The following BCAS3 variants were observed in gnomAD, a reference collection of about 807,000 sequenced individuals.
BCAS3 encodes BCAS4/BCAS3 fusion.
Under a neutral mutation model 116.1 loss-of-function variants are expected in BCAS3, and 53 were observed. That is an observed-to-expected ratio of 0.46 (90% CI 0.37 to 0.57). The LOEUF (loss-of-function observed/expected upper bound fraction) is 0.57. BCAS3 is among the 20% of genes least tolerant of loss of function. The pLI is 0.00. For synonymous variants in BCAS3, 391 were observed against 408.2 expected, an observed-to-expected ratio of 0.96 and a Z score of 0.51; for missense variants, 917 against 1,165.4, an observed-to-expected ratio of 0.79 and a Z score of 3.10.
At position 61,387,011 on chromosome 17, in the gene BCAS3, T is replaced by A. The variant is rs1193345178; in HGVS notation, c.2594-4966T>A. Among the ~76,000 whole-genome samples, 1 of 152,188 alleles carries A rather than the reference T, an allele frequency of 6.6e-6. No individual in the cohort carries two copies. Among genetic ancestry groups the A allele is most frequent in the East Asian group, 1.9e-4 (1 of 5,188 alleles). ...ATGGTCTTGAACTCTTGGCTTCAAG[T>A]GATCCCCTTGCCTTGGCTTCCCAAA... On this transcript the variant is annotated intron_variant, in intron 23 of 23. Coordinates refer to ENST00000407086, the MANE Select transcript of BCAS3 (RefSeq NM_017679.5). This position sits in a 1 kb window ranked among gnomAD's most constrained non-coding sequence, Gnocchi z 6.2.
chr17:61,173,004 A>AAATAAATAAATT (rs2078943643), intron 22 of BCAS3, among the ~76,000 whole-genome samples: 1 of 151,608 alleles, frequency 6.6e-6, no homozygotes, highest in South Asian at 2.1e-4. Context: ...ATAAATAAAT[A>AAATAAATAAATT]AATAGGATTT....
Position 60,973,584 on chromosome 17 carries a change from T to TA in BCAS3, c.1222-16387_1222-16386insA, listed in dbSNP as rs1316086691. Among the ~76,000 whole-genome samples, 1,179 of 139,222 alleles carry TA rather than the reference T, an allele frequency of 8.5e-3. 39 individuals are homozygous for TA. The highest frequency in any genetic ancestry group is 0.035 in the African/African-American group (1,100 of 31,832). The allele number at this position is 139,222 out of a possible 152,430, so 91.3% of individuals were successfully genotyped here. On this transcript the variant is annotated intron_variant, in intron 14 of 23. Coordinates refer to ENST00000407086, the MANE Select transcript of BCAS3 (RefSeq NM_017679.5). ...CCTAGACATTGCTATTACCTTATTATTAATATATATATATATATATATATG... is the reference window on the plus strand; with the variant it reads ...CCTAGACATTGCTATTACCTTATTATATAATATATATATATATATATATATG...
At chr17:61,371,988 A>G (rs1448230825) in intron 23 of BCAS3, among the ~76,000 whole-genome samples, 1 of 152,260 alleles carries the variant, frequency 6.6e-6, no homozygotes, top group Non-Finnish European at 1.5e-5. Flanking sequence ...TTCTAAGACA[A>G]CTGGCTGAAC....
rs1387959540 is a variant in BCAS3, at chr17:61,126,314, C to T, written c.2425+41750C>T. Among the ~76,000 whole-genome samples the T allele has an allele frequency of 6.6e-6, 1 of 151,972 alleles. No homozygotes were observed. The highest frequency in any genetic ancestry group is 2.4e-5 in the African/African-American group (1 of 41,368). ...CATATCACCTTGAGAAAATGTGAGGCAATCCTTTACTGAATTGTCAGTGAT... is the reference window on the plus strand; with the variant it reads ...CATATCACCTTGAGAAAATGTGAGGTAATCCTTTACTGAATTGTCAGTGAT... On this transcript the variant is annotated intron_variant, in intron 22 of 23. Coordinates refer to ENST00000407086, the MANE Select transcript of BCAS3 (RefSeq NM_017679.5). This position sits in a 1 kb window ranked among gnomAD's most constrained non-coding sequence, Gnocchi z 4.6.
intron 5 of BCAS3, among the ~76,000 whole-genome samples, chr17:60,740,831 A>G (rs552137223): frequency 1.3e-5 from 2 of 152,304 alleles, no homozygotes; most frequent in Admixed American, 6.5e-5. Context: ...TGTTAAGAAC[A>G]GAATGATCTG....
At chr17:61,165,628 G>A (rs562209770) in intron 22 of BCAS3, among the ~76,000 whole-genome samples, 1 of 152,318 alleles carries the variant, frequency 6.6e-6, no homozygotes, top group South Asian at 2.1e-4. Context: ...AGAGGTTGCA[G>A]TGAGCCAAGA....
chr17:61,196,863 T>C lies in BCAS3; in HGVS notation c.2425+112299T>C, dbSNP rs2080511272. Reference sequence around the variant, plus strand: ...AGTTTATATATAATGTCATGGTTATTTGTAGAGAGATTGAAGAACCGGTCT... The same window carrying C: ...AGTTTATATATAATGTCATGGTTATCTGTAGAGAGATTGAAGAACCGGTCT... On this transcript the variant is annotated intron_variant, in intron 22 of 23. Coordinates refer to ENST00000407086, the MANE Select transcript of BCAS3 (RefSeq NM_017679.5). This position sits in a 1 kb window ranked among gnomAD's most constrained non-coding sequence, Gnocchi z 4.7. 6.6e-6 allele frequency among the ~76,000 whole-genome samples: 1 copy of C among 152,238 alleles called. No individual in the cohort carries two copies. Among genetic ancestry groups the C allele is most frequent in the Non-Finnish European group, 1.5e-5 (1 of 68,032 alleles).
intron 22 of BCAS3, among the ~76,000 whole-genome samples, chr17:61,287,003 C>G (rs1438982585): frequency 6.6e-6 from 1 of 152,032 alleles, no homozygotes; most frequent in African/African-American, 2.4e-5. Context: ...AATCCCAGCA[C>G]TTTGGGAGGC....
intron 9 of BCAS3, among the ~76,000 whole-genome samples, 183 bp downstream of exon 9, chr17:60,874,921 C>T (rs2144916693): frequency 6.6e-6 from 1 of 152,178 alleles, no homozygotes; most frequent in African/African-American, 2.4e-5. Context: ...TTTCAACTTT[C>T]CAACACATTT....
At chr17:60,758,994 T>G (rs1598499920) in intron 6 of BCAS3, among the ~76,000 whole-genome samples, 1 of 152,200 alleles carries the variant, frequency 6.6e-6, no homozygotes, top group East Asian at 1.9e-4. Context: ...TTTTTTTTTT[T>G]TTTGGACACA....
At chr17:61,142,801 ATGAT>A (rs2076993367) in intron 22 of BCAS3, among the ~76,000 whole-genome samples, 1 of 152,154 alleles carries the variant, frequency 6.6e-6, no homozygotes, top group Non-Finnish European at 1.5e-5. Flanking sequence ...TTGGGGTTGT[ATGAT>A]GGATGCATGG....
chr17:61,289,198 T>G (rs1362145003), intron 22 of BCAS3, among the ~76,000 whole-genome samples: 1 of 152,180 alleles, frequency 6.6e-6, no homozygotes, highest in Non-Finnish European at 1.5e-5. Context: ...TGGGAGAGAA[T>G]GTACCCCCGC....
intron 2 of BCAS3, 113 bp downstream of exon 2, chr17:60,679,653 G>C: frequency 3.7e-6 from 3 of 820,528 alleles, no homozygotes; most frequent in Admixed American, 2.3e-5. Context: ...TTAACTGTTG[G>C]CTTTATGGGA....
rs1200119550 is a variant in BCAS3 at position 61,205,317 on chromosome 17, C to T, written c.2425+120753C>T. Among the ~76,000 whole-genome samples, 1 of 152,170 alleles carries T rather than the reference C, an allele frequency of 6.6e-6. No individual in the cohort carries two copies. The highest frequency in any genetic ancestry group is 1.5e-5 in the Non-Finnish European group (1 of 68,030). ...AAAACTGGTTACATTTCAGCATATA[C>T]AGCTGGACTTCCTGGTGGGCCTCCC... On this transcript the variant is annotated intron_variant, in intron 22 of 23. Coordinates refer to ENST00000407086, the MANE Select transcript of BCAS3 (RefSeq NM_017679.5). The surrounding 1 kb of genome is among the most constrained non-coding windows in gnomAD (Gnocchi z 5.2).
chr17:61,173,797 C>A (rs547184425), intron 22 of BCAS3, among the ~76,000 whole-genome samples: 12 of 152,074 alleles, frequency 7.9e-5, no homozygotes, highest in African/African-American at 2.4e-4. Context: ...TGGGGGATGA[C>A]TTGAGCCCAG....
At position 61,315,555 on chromosome 17, in the gene BCAS3, T is replaced by C. The variant is rs549576670; in HGVS notation, c.2426-52772T>C. 1.3e-5 allele frequency among the ~76,000 whole-genome samples: 2 copies of C among 152,200 alleles called. No homozygotes were observed. Among genetic ancestry groups the C allele is most frequent in the Non-Finnish European group, 2.9e-5 (2 of 68,036 alleles). On this transcript the variant is annotated intron_variant, in intron 22 of 23. Transcript: ENST00000407086. The surrounding 1 kb of genome is among the most constrained non-coding windows in gnomAD (Gnocchi z 5.3). ...CATGGAAGAGGTTGCACAGCGTCGC[T>C]GGTTAATGGCAAAGCCCAGGTATGG...
At chr17:60,980,433 G>A (rs1233311194) in intron 14 of BCAS3, 2 of 151,562 alleles carry the variant, frequency 1.3e-5, no homozygotes, top group East Asian at 3.9e-4. Context: ...TATCTTCTTT[G>A]GAGAAATATT....
intron 22 of BCAS3, among the ~76,000 whole-genome samples, chr17:61,277,885 A>C (rs905934473): frequency 2.0e-5 from 3 of 152,202 alleles, no homozygotes; most frequent in Non-Finnish European, 4.4e-5. Flanking sequence ...ACCCTCATAC[A>C]CTGCTGGCAG....
rs1199603635 is a variant in BCAS3 at position 61,067,273 on chromosome 17, G to GTATATATATATATATA, written c.2030-7619_2030-7604dup. ...CATAACTTTATTTATGTGTGTATGTGTATATATATATATATATATATATAT... is the reference window on the plus strand; with the variant it reads ...CATAACTTTATTTATGTGTGTATGTGTATATATATATATATATATATATATATATATATATATATAT... On this transcript the variant is annotated intron_variant, in intron 19 of 23. Transcript: ENST00000407086. 2.9e-3 allele frequency among the ~76,000 whole-genome samples: 172 copies of GTATATATATATATATA among 58,772 alleles called. 3 individuals carry two copies. Among genetic ancestry groups the GTATATATATATATATA allele is most frequent in the Non-Finnish European group, 3.7e-3 (129 of 34,854 alleles). The allele number at this position is 58,772 out of a possible 152,430, so 38.6% of individuals were successfully genotyped here.
Sources: gnomAD v4.1 joint callset for allele counts (sites outside exome capture counted in the v4.1 genomes callset) on GRCh38, gnomAD v4.1.1 for gene constraint, Gnocchi (gnomAD v3.1) non-coding constraint, MANE v1.5 for transcripts, NCBI Gene and HGNC (gene_info 2026-07-23, HGNC 2026-07-21) for gene names.